PPARGC1B: variants seen among roughly 807,000 people sequenced by gnomAD.
The protein encoded by PPARGC1B is PPARG coactivator 1 beta.
A neutral mutation model predicts 101.6 loss-of-function variants in PPARGC1B; 34 were observed. The observed-to-expected ratio is 0.33, with a 90% confidence interval of 0.25 to 0.45. The LOEUF (loss-of-function observed/expected upper bound fraction) is 0.45, where lower values mean the gene tolerates loss of function less well. Among genes scored for constraint, PPARGC1B ranks in the 20% least tolerant of loss-of-function variants. PPARGC1B has a pLI of 1.00. For missense variants in PPARGC1B, 1,234 were observed against 1,317.6 expected (o/e 0.94, Z 0.98); for synonymous variants, 548 against 539.3 (o/e 1.02, Z -0.22).
intron 1 of PPARGC1B, among the ~76,000 whole-genome samples, chr5:149,731,741 C>T (rs540844028): frequency 6.6e-6 from 1 of 152,316 alleles, no homozygotes; most frequent in African/African-American, 2.4e-5. Context: ...CAAGCTGACT[C>T]CTTGCGGTGA....
chr5:149,833,443 G>T lies in PPARGC1B; in HGVS notation c.1370G>T (p.Gly457Val). ...GAGGAGTGGGGCAGGAAAAGGCCAG[G>T]CCGAGGCCTGCCATGGACGAAGCTG... ...EEEEWGRKRP[G>V]RGLPWTKLGR... Residue 457 changes from glycine to valine, a missense_variant, in exon 5 of 12, where the codon GGC becomes GTC. Coordinates refer to ENST00000309241, the MANE Select transcript of PPARGC1B (RefSeq NM_133263.4). This position sits in a 1 kb window ranked among gnomAD's most constrained non-coding sequence, Gnocchi z 4.1. 1 of 1,576,874 alleles carries T rather than the reference G, an allele frequency of 6.3e-7. No homozygotes were observed. The highest frequency in any genetic ancestry group is 8.6e-7 in the Non-Finnish European group (1 of 1,161,384).
chr5:149,842,514 G>T lies in PPARGC1B; in HGVS notation c.2816+137G>T, dbSNP rs145878563. On this transcript the variant is annotated intron_variant, in intron 10 of 11. Coordinates refer to ENST00000309241, the MANE Select transcript of PPARGC1B (RefSeq NM_133263.4). ...CCATAGCCTAGATGTGGAAAGCCAG[G>T]CCCATGAGAAGGACCAGAAATGGTA... is the stretch of plus-strand genomic sequence containing the variant. The T allele has an allele frequency of 7.2e-6, 9 of 1,248,306 alleles. No individual in the cohort carries two copies. The African/African-American group carries it at 1.2e-4, about 17-fold the overall frequency. 77.3% of individuals were successfully genotyped at this position (1,248,306 alleles called of 1,614,324 possible). A position where few individuals can be genotyped will look rare whatever the true frequency, so the allele number is the denominator to read the frequency against.
intron 3 of PPARGC1B, among the ~76,000 whole-genome samples, chr5:149,830,360 C>T (rs1226297617): frequency 1.3e-5 from 2 of 151,746 alleles, no homozygotes; most frequent in African/African-American, 4.8e-5. Context: ...GAATCCCATA[C>T]CAGAGAATCA....
At chr5:149,756,087 T>C (rs1276669163) in intron 1 of PPARGC1B, among the ~76,000 whole-genome samples, 1 of 152,218 alleles carries the variant, frequency 6.6e-6, no homozygotes, top group Non-Finnish European at 1.5e-5. Context: ...GAGTCCCATC[T>C]ATACAGGGTG....
rs2113440018 is a variant in PPARGC1B, at chr5:149,842,357, G to A, written c.2796G>A (p.Glu932=). The A allele has an allele frequency of 6.2e-7, 1 of 1,614,050 alleles. No individual in the cohort carries two copies. The highest frequency in any genetic ancestry group is 8.5e-7 in the Non-Finnish European group (1 of 1,179,938). Reference sequence around the variant, plus strand: ...TGTTTGGTGAGATTGAGGAGTGCGAGGTGCTGACAAGAAATAGGAGGTGAG... The same window carrying A: ...TGTTTGGTGAGATTGAGGAGTGCGAAGTGCTGACAAGAAATAGGAGGTGAG... ...FEVFGEIEEC[E]VLTRNRRGEK... Residue 932 remains glutamate (E), a synonymous_variant, in exon 10 of 12, where the codon GAG becomes GAA. Coordinates refer to ENST00000309241, the MANE Select transcript of PPARGC1B (RefSeq NM_133263.4).
chr5:149,755,760 C>T (rs1755498343), intron 1 of PPARGC1B, among the ~76,000 whole-genome samples: 1 of 151,812 alleles, frequency 6.6e-6, no homozygotes, highest in South Asian at 2.1e-4. Context: ...TCTCTTGCCT[C>T]AGCCTCCCAA....
intron 2 of PPARGC1B, among the ~76,000 whole-genome samples, chr5:149,823,341 C>T (rs1758376742): frequency 1.3e-5 from 2 of 152,096 alleles, no homozygotes; most frequent in South Asian, 4.1e-4. Context: ...TGGCCAATTT[C>T]CTGGGTTTCT....
At chr5:149,830,485 G>A (rs1382114409) in intron 3 of PPARGC1B, among the ~76,000 whole-genome samples, 1 of 152,052 alleles carries the variant, frequency 6.6e-6, no homozygotes, top group Non-Finnish European at 1.5e-5. Context: ...CGTTACCCAA[G>A]ACCTGCTTGA....
At chr5:149,794,492 A>C (rs1757133496) in intron 1 of PPARGC1B, among the ~76,000 whole-genome samples, 1 of 150,574 alleles carries the variant, frequency 6.6e-6, no homozygotes, top group South Asian at 2.1e-4. Context: ...TTGATTGCAC[A>C]CACACATGCA....
intron 1 of PPARGC1B, chr5:149,818,812 G>A (rs765284988): frequency 3.3e-5 from 15 of 455,900 alleles, no homozygotes; most frequent in East Asian, 2.8e-4. Context: ...TTACTAGGCC[G>A]GGCTATAATG....
In PPARGC1B at chr5:149,801,421, C is replaced by A. The variant is rs574380389; in HGVS notation, c.79-19012C>A. Among the ~76,000 whole-genome samples the A allele has an allele frequency of 7.9e-5, 12 of 152,208 alleles. No homozygotes were observed. The South Asian group carries it at 2.3e-3, about 29-fold the overall frequency. ...AGGCAAAGCCTTTATGTGTGGGAAG[C>A]GTGTTCCGGGAGAGGGAACAGCATG... On this transcript the variant is annotated intron_variant, in intron 1 of 11. Coordinates refer to ENST00000309241, the MANE Select transcript of PPARGC1B (RefSeq NM_133263.4).
chr5:149,750,450 TAAAA>T (rs1755244227), intron 1 of PPARGC1B, among the ~76,000 whole-genome samples: 1 of 82,082 alleles, frequency 1.2e-5, no homozygotes, highest in African/African-American at 5.5e-5. Context: ...CTGTTTTAGT[TAAAA>T]TATATATATA....
intron 2 of PPARGC1B, 115 bp downstream of exon 2, chr5:149,820,721 C>A: frequency 9.1e-7 from 1 of 1,094,700 alleles, no homozygotes; most frequent in Non-Finnish European, 1.3e-6. Context: ...GAAATCCCCT[C>A]ACCCACCAAA....
In PPARGC1B at chr5:149,737,930, G is replaced by T. The variant is rs193148615; in HGVS notation, c.78+7510G>T. On this transcript the variant is annotated intron_variant, in intron 1 of 11. Transcript: ENST00000309241. ...AATCACTTGAACTGGGGAGGTGAAGGTTGCAGTGAGCCAGGATCACACTAC... is the reference window on the plus strand; with the variant it reads ...AATCACTTGAACTGGGGAGGTGAAGTTTGCAGTGAGCCAGGATCACACTAC... Among the ~76,000 whole-genome samples, 496 of 152,296 alleles carry T rather than the reference G, an allele frequency of 3.3e-3. 5 individuals are homozygous for T. The highest frequency in any genetic ancestry group is 0.018 in the Admixed American group (271 of 15,302).
intron 9 of PPARGC1B, among the ~76,000 whole-genome samples, chr5:149,841,440 C>T (rs559249620): frequency 1.3e-5 from 2 of 152,256 alleles, no homozygotes; most frequent in Non-Finnish European, 2.9e-5. Context: ...TTTGTGGACC[C>T]GCCACCTGGG....
chr5:149,820,587 A>G lies in PPARGC1B; in HGVS notation c.233A>G (p.Asp78Gly), dbSNP rs1758253462. The stretch of plus-strand genomic sequence containing the variant: ...ACTGAACCCAACCAGTACAGCCCCG[A>G]TGACTCCGAGCTCTTCCAGGTATGC... ...SETEPNQYSP[D>G]DSELFQIDSE... Residue 78 changes from aspartate (D) to glycine (G), a missense_variant, in exon 2 of 12, where the codon GAT becomes GGT. Physicochemically the swap from Asp to Gly is moderately conservative, Grantham distance 94. This residue lies in a region of PPARGC1B where 734 missense variants were observed against 768.4 expected (regional missense o/e 0.96). Coordinates refer to ENST00000309241, the MANE Select transcript of PPARGC1B (RefSeq NM_133263.4). The G allele has an allele frequency of 6.2e-7, 1 of 1,612,478 alleles. No individual in the cohort carries two copies. Among genetic ancestry groups the G allele is most frequent in the Admixed American group, 1.7e-5 (1 of 60,000 alleles).
At chr5:149,731,370 C>T (rs1234485285) in intron 1 of PPARGC1B, among the ~76,000 whole-genome samples, 1 of 152,222 alleles carries the variant, frequency 6.6e-6, no homozygotes, top group East Asian at 1.9e-4. Flanking sequence ...CCACCCAATG[C>T]CTGTTGCAAG....
intron 3 of PPARGC1B, among the ~76,000 whole-genome samples, chr5:149,828,519 C>A (rs1431786132): frequency 6.6e-6 from 1 of 152,236 alleles, no homozygotes; most frequent in Non-Finnish European, 1.5e-5. Flanking sequence ...TCTGGTACAA[C>A]CATTAGTGGT....
chr5:149,791,382 G>C (rs1287956934), intron 1 of PPARGC1B, among the ~76,000 whole-genome samples: 1 of 151,252 alleles, frequency 6.6e-6, no homozygotes, highest in African/African-American at 2.4e-5. Context: ...CCAACTCTTG[G>C]GGCAGCCAAG....
Sources: gnomAD v4.1 joint callset for allele counts (sites outside exome capture counted in the v4.1 genomes callset) on GRCh38, gnomAD v4.1.1 for gene constraint, gnomAD v4.1.1 regional missense constraint, Gnocchi (gnomAD v3.1) non-coding constraint, MANE v1.5 for transcripts, NCBI Gene and HGNC (gene_info 2026-07-23, HGNC 2026-07-21) for gene names.